Variants in SIK2 observed in about 807,000 individuals in gnomAD.
SIK2 encodes serine/threonine-protein kinase SIK2.
A neutral mutation model predicts 103.2 loss-of-function variants in SIK2; 29 were observed. The observed-to-expected ratio is 0.28, with a 90% CI of 0.21 to 0.38. The LOEUF (loss-of-function observed/expected upper bound fraction) is 0.38, where lower values mean the gene tolerates loss of function less well. Ranked by LOEUF, SIK2 falls within the 10% of genes least tolerant of loss-of-function variation. SIK2 has a pLI of 1.00. For missense variants in SIK2, 879 were observed against 1,171.0 expected (o/e 0.75, Z 3.64); for synonymous variants, 412 against 446.1 (o/e 0.92, Z 0.96).
chr11:111,730,687 A>G lies in SIK2; in HGVS notation c.*6558A>G, dbSNP rs557943450. The G allele has an allele frequency of 1.4e-4, 21 of 152,314 alleles. No homozygotes were observed. The highest frequency in any genetic ancestry group is 8.3e-4 in the South Asian group (4 of 4,830). 9.4% of individuals were successfully genotyped at this position (152,314 alleles called of 1,614,324 possible). A position where few individuals can be genotyped will look rare whatever the true frequency, so the allele number is the denominator to read the frequency against. On this transcript the variant is annotated 3_prime_UTR_variant, in exon 15 of 15. Coordinates refer to ENST00000304987, the MANE Select transcript of SIK2 (RefSeq NM_015191.3). Reference sequence around the variant, plus strand: ...TAGCTCCAATGTGAAAAAAAAAATCAAAAGTATAACTTGTCACTTAATGTT... The same window carrying G: ...TAGCTCCAATGTGAAAAAAAAAATCGAAAGTATAACTTGTCACTTAATGTT...
intron 9 of SIK2, among the ~76,000 whole-genome samples, chr11:111,713,794 C>T (rs565082860): frequency 1.3e-4 from 20 of 152,262 alleles, no homozygotes; most frequent in Non-Finnish European, 2.5e-4. Flanking sequence ...TGGCGAAACT[C>T]CGTCTCTACT....
At position 111,720,761 on chromosome 11, in the gene SIK2, G is replaced by T. The variant is rs756143004; in HGVS notation, c.1779G>T (p.Gln593His). 1.2e-5 allele frequency: 19 copies of T among 1,583,730 alleles called. No individual in the cohort carries two copies. Among genetic ancestry groups the T allele is most frequent in the Non-Finnish European group, 1.6e-5 (19 of 1,165,788 alleles). The change falls in exon 11 of 15, where the codon CAG (glutamine) becomes CAT (histidine). Residue 593 changes from glutamine (Q) to histidine (H), a missense_variant and splice_region_variant. Around this residue, in one of 7 missense-constraint regions of SIK2, gnomAD observed 375 missense variants for 416.3 expected, o/e 0.90. Coordinates refer to ENST00000304987, the MANE Select transcript of SIK2 (RefSeq NM_015191.3). ...GRRASDTSLT[Q>H]GIVAFRQHLQ... ...GAGCATCAGATACCTCCCTCACCCAGGGTGAGCACTTCCTCCTCTGCTTTT... is the reference window on the plus strand; with the variant it reads ...GAGCATCAGATACCTCCCTCACCCATGGTGAGCACTTCCTCCTCTGCTTTT...
intron 1 of SIK2, among the ~76,000 whole-genome samples, chr11:111,606,521 A>C (rs1482712954): frequency 1.3e-5 from 2 of 152,118 alleles, no homozygotes; most frequent in Admixed American, 1.3e-4. Flanking sequence ...ATATAACTTT[A>C]TAAAAACATT....
At position 111,602,516 on chromosome 11, in the gene SIK2, C is replaced by A. The variant is rs1446797388; in HGVS notation, c.-48C>A. The A allele has an allele frequency of 6.3e-6, 9 of 1,426,356 alleles. No individual in the cohort carries two copies. Among genetic ancestry groups the A allele is most frequent in the Non-Finnish European group, 8.3e-6 (9 of 1,090,818 alleles). The allele number at this position is 1,426,356 out of a possible 1,614,324, so 88.4% of individuals were successfully genotyped here. A position where few individuals can be genotyped will look rare whatever the true frequency, so the allele number is the denominator to read the frequency against. On this transcript the variant is annotated 5_prime_UTR_variant, in exon 1 of 15. Coordinates refer to ENST00000304987, the MANE Select transcript of SIK2 (RefSeq NM_015191.3). The surrounding 1 kb of genome is among the most constrained non-coding windows in gnomAD (Gnocchi z 4.5). ...CAAGCCAAGCCGCGCTGCCAACCCT[C>A]CCGCCCGCCCGCGCTCCTGTCCGCC...
At chr11:111,649,476 T>C (rs906622854) in intron 3 of SIK2, among the ~76,000 whole-genome samples, 1 of 152,116 alleles carries the variant, frequency 6.6e-6, no homozygotes, top group Non-Finnish European at 1.5e-5. Flanking sequence ...AGTAATACTT[T>C]TATACTTTTT....
chr11:111,612,915 G>GATAGATATATATAT (rs1312727269), intron 1 of SIK2, among the ~76,000 whole-genome samples: 2 of 50,028 alleles, frequency 4.0e-5, no homozygotes, highest in African/African-American at 6.3e-5. Context: ...ATAGCAATGG[G>GATAGATATATATAT]ATATATATAT....
At chr11:111,641,089 G>C (rs1348852693) in intron 3 of SIK2, among the ~76,000 whole-genome samples, 1 of 152,098 alleles carries the variant, frequency 6.6e-6, no homozygotes, top group Non-Finnish European at 1.5e-5. Flanking sequence ...GCAGCAACTT[G>C]ACTCTTAGCA....
At chr11:111,637,373 T>C (rs541738554) in intron 3 of SIK2, among the ~76,000 whole-genome samples, 2 of 152,066 alleles carry the variant, frequency 1.3e-5, no homozygotes, top group Non-Finnish European at 2.9e-5. Context: ...CTTGGATACA[T>C]ATGCAGGATG....
chr11:111,716,205 CAG>C (rs1795726213), intron 9 of SIK2, among the ~76,000 whole-genome samples: 1 of 152,216 alleles, frequency 6.6e-6, no homozygotes, highest in Non-Finnish European at 1.5e-5. Context: ...CCTGAAAATG[CAG>C]ACACAGTGGA....
chr11:111,705,086 C>T lies in SIK2; in HGVS notation c.1048C>T (p.Leu350Phe), dbSNP rs774178161. Residue 350 changes from leucine to phenylalanine, a missense_variant, in exon 8 of 15, where the codon CTT (leucine) becomes TTT (phenylalanine). Leu to Phe is a conservative substitution (Grantham distance 22, BLOSUM62 0). Around this residue, in one of 7 missense-constraint regions of SIK2, gnomAD observed 99 missense variants for 153.9 expected, o/e 0.64. Coordinates refer to ENST00000304987, the MANE Select transcript of SIK2 (RefSeq NM_015191.3). The surrounding 1 kb of genome is among the most constrained non-coding windows in gnomAD (Gnocchi z 4.3). ...GAGCAGTTTCCCAGTGGAGCAGAGA[C>T]TTGATGGCCGCCAGCGTCGGCCTAG... Reference protein sequence around the residue: ...HRSSFPVEQRLDGRQRRPSTI... With the variant: ...HRSSFPVEQRFDGRQRRPSTI... The T allele has an allele frequency of 6.2e-7, 1 of 1,606,256 alleles. No homozygotes were observed. Among genetic ancestry groups the T allele is most frequent in the East Asian group, 2.2e-5 (1 of 44,626 alleles).
At chr11:111,678,484 A>G (rs537818187) in intron 3 of SIK2, among the ~76,000 whole-genome samples, 3 of 152,344 alleles carry the variant, frequency 2.0e-5, no homozygotes, top group East Asian at 1.9e-4. Context: ...TTGACCTGAA[A>G]AAAAGTCAGG....
At chr11:111,696,577 G>A (rs1048612888) in intron 4 of SIK2, among the ~76,000 whole-genome samples, 2 of 152,170 alleles carry the variant, frequency 1.3e-5, no homozygotes, top group Non-Finnish European at 2.9e-5. Context: ...CACAATTAGA[G>A]AAGACATTAA....
chr11:111,615,772 T>G (rs1375063969), intron 1 of SIK2, among the ~76,000 whole-genome samples: 1 of 152,252 alleles, frequency 6.6e-6, no homozygotes, highest in Non-Finnish European at 1.5e-5. Context: ...TATTTTATAT[T>G]CAGCTTTTTG....
chr11:111,720,818 G>C, intron 11 of SIK2, 56 bp downstream of exon 11: 1 of 1,573,462 alleles, frequency 6.4e-7, no homozygotes. Flanking sequence ...GCAGTTTCTT[G>C]CCATGTTGGT....
At chr11:111,624,441 C>T (rs1463366540) in intron 3 of SIK2, among the ~76,000 whole-genome samples, 1 of 152,178 alleles carries the variant, frequency 6.6e-6, no homozygotes, top group African/African-American at 2.4e-5. Flanking sequence ...CCGGCTATAC[C>T]ATATTAATTG....
intron 8 of SIK2, among the ~76,000 whole-genome samples, chr11:111,706,983 A>C (rs2135936806): frequency 6.6e-6 from 1 of 151,054 alleles, no homozygotes; most frequent in East Asian, 1.9e-4. Flanking sequence ...AAAAAAAAGT[A>C]TTGATACAGA....
At position 111,723,529 on chromosome 11, in the gene SIK2, G is replaced by A; in HGVS notation, c.2181G>A (p.Gln727=). 2 of 1,612,162 alleles carry A rather than the reference G, an allele frequency of 1.2e-6. No homozygotes were observed. Among genetic ancestry groups the A allele is most frequent in the Non-Finnish European group, 1.7e-6 (2 of 1,178,740 alleles). Residue 727 remains glutamine, a synonymous_variant, in exon 15 of 15, where the codon CAG becomes CAA. Transcript: ENST00000304987. ...AGAAGCGACTCTTTCTTCAGAAGCA[G>A]TCTCAACTGCAGGCCTATTTTAATC... ...LQQKRLFLQK[Q]SQLQAYFNQM... is the part of the protein sequence containing the mutation.
chr11:111,608,989 T>C (rs527078), intron 1 of SIK2, among the ~76,000 whole-genome samples: 92,225 of 151,622 alleles, frequency 0.61, 30,902 homozygotes, highest in East Asian at 0.96. Flanking sequence ...ATATTCTTCA[T>C]TACTTTTAAA....
At chr11:111,660,320 C>A (rs1942450728) in intron 3 of SIK2, among the ~76,000 whole-genome samples, 1 of 152,054 alleles carries the variant, frequency 6.6e-6, no homozygotes, top group South Asian at 2.1e-4. Flanking sequence ...CCCAGAAAAG[C>A]CCTTAGGTCC....
Sources: allele counts gnomAD v4.1 joint callset (sites outside exome capture counted in the v4.1 genomes callset), GRCh38; gene constraint gnomAD v4.1.1; regional missense constraint gnomAD v4.1.1; non-coding constraint Gnocchi (gnomAD v3.1); transcripts MANE v1.5; gene names NCBI Gene and HGNC (gene_info 2026-07-23, HGNC 2026-07-21).